ZSWIM5: variants seen among roughly 807,000 people sequenced by gnomAD.
ZSWIM5 encodes the protein zinc finger SWIM domain-containing protein 5.
A neutral mutation model predicts 119.6 loss-of-function variants in ZSWIM5; 55 were observed. That is an observed-to-expected ratio of 0.46 (90% CI 0.37 to 0.58). The LOEUF is 0.58. Ranked by LOEUF, ZSWIM5 falls within the 20% of genes least tolerant of loss-of-function variation. The pLI, the probability that ZSWIM5 is intolerant of heterozygous loss-of-function variation, is 0.00. For synonymous variants in ZSWIM5, 537 were observed against 606.9 expected (o/e 0.88, Z 1.69); for missense variants, 1,193 against 1,512.8 (o/e 0.79, Z 3.51).
intron 1 of ZSWIM5, among the ~76,000 whole-genome samples, chr1:45,205,176 T>C (rs1197213047): frequency 6.6e-6 from 1 of 151,722 alleles, no homozygotes; most frequent in Admixed American, 6.6e-5. Context: ...CTGTCACATT[T>C]CCATCTTCGG....
At chr1:45,028,080 A>C (rs1339540306) in intron 11 of ZSWIM5, among the ~76,000 whole-genome samples, 1 of 151,586 alleles carries the variant, frequency 6.6e-6, no homozygotes, top group Non-Finnish European at 1.5e-5. Flanking sequence ...CGAACTCCTG[A>C]CCTCAGGTGA....
intron 1 of ZSWIM5, among the ~76,000 whole-genome samples, chr1:45,114,337 T>C (rs1645534439): frequency 6.6e-6 from 1 of 152,154 alleles, no homozygotes; most frequent in South Asian, 2.1e-4. Context: ...TATGGTTATA[T>C]TAATATAAAA....
At chr1:45,069,653 T>C (rs1645209823) in intron 2 of ZSWIM5, among the ~76,000 whole-genome samples, 1 of 152,154 alleles carries the variant, frequency 6.6e-6, no homozygotes, top group Non-Finnish European at 1.5e-5. Context: ...TTGCAAAAAA[T>C]AATCACTTTA....
intron 1 of ZSWIM5, among the ~76,000 whole-genome samples, chr1:45,176,038 G>A (rs574780863): frequency 3.3e-5 from 5 of 151,466 alleles, no homozygotes; most frequent in South Asian, 2.1e-4. Flanking sequence ...TCCTTTTATC[G>A]GAGAAAAGTA....
At chr1:45,041,860 G>C (rs1645020217) in intron 6 of ZSWIM5, among the ~76,000 whole-genome samples, 1 of 152,048 alleles carries the variant, frequency 6.6e-6, no homozygotes, top group Non-Finnish European at 1.5e-5. Flanking sequence ...ACTAAAAATG[G>C]GATGGTATTA....
chr1:45,074,724 T>C (rs1315133467), intron 2 of ZSWIM5, among the ~76,000 whole-genome samples: 1 of 151,918 alleles, frequency 6.6e-6, no homozygotes, highest in Non-Finnish European at 1.5e-5. Flanking sequence ...TTATTTCTGC[T>C]CTGATCTTTA....
At chr1:45,037,352 C>G (rs534902822) in intron 8 of ZSWIM5, among the ~76,000 whole-genome samples, 1 of 151,856 alleles carries the variant, frequency 6.6e-6, no homozygotes, top group Non-Finnish European at 1.5e-5. Context: ...CTCAGGTGAT[C>G]TGCCTGCCTT....
rs912174294 is a variant in ZSWIM5, at chr1:45,089,884, C to T, written c.596-1647G>A. ...AGCTACACATATAAGTAAATGATTA[C>T]AATATGATGTGCCAAATGTTATAGT... On this transcript the variant is annotated intron_variant, in intron 1 of 13. Coordinates refer to ENST00000359600, the MANE Select transcript of ZSWIM5 (RefSeq NM_020883.2). Among the ~76,000 whole-genome samples the T allele has an allele frequency of 2.0e-5, 3 of 152,118 alleles. No homozygotes were observed. The South Asian group carries it at 6.2e-4, about 32-fold the overall frequency.
At chr1:45,038,232 A>G (rs965655843) in intron 8 of ZSWIM5, among the ~76,000 whole-genome samples, 1 of 152,196 alleles carries the variant, frequency 6.6e-6, no homozygotes, top group Admixed American at 6.5e-5. Context: ...TGTGGAAGAA[A>G]GTTCAAAGGA....
intron 8 of ZSWIM5, among the ~76,000 whole-genome samples, chr1:45,037,104 C>T (rs1644989699): frequency 7.8e-6 from 1 of 128,342 alleles, no homozygotes; most frequent in Non-Finnish European, 1.6e-5. Context: ...CCCAGCCCCA[C>T]CTCCTTTTTT....
chr1:45,053,613 A>T (rs1179336092), intron 4 of ZSWIM5, among the ~76,000 whole-genome samples: 1 of 151,972 alleles, frequency 6.6e-6, no homozygotes, highest in Non-Finnish European at 1.5e-5. Flanking sequence ...AATACAAAAA[A>T]TTAGCCAGGC....
chr1:45,173,888 C>A (rs771916579), intron 1 of ZSWIM5, among the ~76,000 whole-genome samples: 3 of 152,038 alleles, frequency 2.0e-5, no homozygotes, highest in Non-Finnish European at 4.4e-5. Context: ...GCTTAAAAAA[C>A]TTTAGCTTAT....
At chr1:45,086,856 C>T (rs1395646260) in intron 2 of ZSWIM5, among the ~76,000 whole-genome samples, 1 of 151,140 alleles carries the variant, frequency 6.6e-6, no homozygotes, top group Non-Finnish European at 1.5e-5. Context: ...AAAATGAAAA[C>T]TGGCTTATTA....
intron 5 of ZSWIM5, among the ~76,000 whole-genome samples, chr1:45,045,963 G>A (rs1233912183): frequency 6.6e-6 from 1 of 152,060 alleles, no homozygotes; most frequent in African/African-American, 2.4e-5. Flanking sequence ...CCAGGCAAAA[G>A]GAACCGCAAG....
At chr1:45,204,876 T>C (rs1453645436) in intron 1 of ZSWIM5, among the ~76,000 whole-genome samples, 1 of 152,206 alleles carries the variant, frequency 6.6e-6, no homozygotes, top group Non-Finnish European at 1.5e-5. Context: ...TTTTTTATCC[T>C]TCTCCTTAAC....
At chr1:45,042,622 T>A (rs1645023311) in intron 6 of ZSWIM5, among the ~76,000 whole-genome samples, 1 of 152,164 alleles carries the variant, frequency 6.6e-6, no homozygotes, top group Non-Finnish European at 1.5e-5. Context: ...AAATGAATAT[T>A]TTAAAAAGAA....
At chr1:45,129,684 T>C (rs1292867213) in intron 1 of ZSWIM5, among the ~76,000 whole-genome samples, 1 of 152,148 alleles carries the variant, frequency 6.6e-6, no homozygotes, top group Non-Finnish European at 1.5e-5. Context: ...GAAAATAAAG[T>C]CTTTTGAACA....
intron 6 of ZSWIM5, among the ~76,000 whole-genome samples, 179 bp from the exon 7 acceptor site, chr1:45,040,717 T>C (rs1645013684): frequency 6.6e-6 from 1 of 152,224 alleles, no homozygotes; most frequent in South Asian, 2.1e-4. Flanking sequence ...TCACAGGTGA[T>C]ATCTTGAAAG....
At chr1:45,179,405 G>A (rs1371277286) in intron 1 of ZSWIM5, among the ~76,000 whole-genome samples, 1 of 152,044 alleles carries the variant, frequency 6.6e-6, no homozygotes, top group East Asian at 1.9e-4. Flanking sequence ...GGCATATGTG[G>A]TTGTAAAAAT....
Sources: gnomAD v4.1 joint callset for allele counts (sites outside exome capture counted in the v4.1 genomes callset) on GRCh38, gnomAD v4.1.1 for gene constraint, MANE v1.5 for transcripts, NCBI Gene and HGNC (gene_info 2026-07-23, HGNC 2026-07-21) for gene names.